Variants in THSD7A observed in about 807,000 individuals in gnomAD.
The protein encoded by THSD7A is thrombospondin type-1 domain-containing protein 7A.
THSD7A carries 96 observed loss-of-function variants against 231.3 expected under a neutral mutation model. The observed-to-expected ratio is 0.41, with a 90% CI of 0.35 to 0.49. THSD7A has a LOEUF of 0.49. THSD7A is among the 20% of genes least tolerant of loss of function. The pLI is 0.05. For missense variants in THSD7A, 2,290 were observed against 2,070.2 expected, an observed-to-expected ratio of 1.11 and a Z score of -2.06; for synonymous variants, 940 against 743.3, an observed-to-expected ratio of 1.26 and a Z score of -4.30.
intron 6 of THSD7A, among the ~76,000 whole-genome samples, chr7:11,532,098 C>G (rs1313449648): frequency 6.6e-6 from 1 of 151,900 alleles, no homozygotes; most frequent in Non-Finnish European, 1.5e-5. Context: ...TTGAGACCAC[C>G]TAGAAAAGAT....
intron 1 of THSD7A, among the ~76,000 whole-genome samples, chr7:11,768,691 T>C (rs1393661842): frequency 6.6e-6 from 1 of 152,148 alleles, no homozygotes; most frequent in Non-Finnish European, 1.5e-5. Flanking sequence ...TGTGTAATAT[T>C]TTATACCTTA....
At chr7:11,557,454 GGCT>G (rs1789894264) in intron 4 of THSD7A, among the ~76,000 whole-genome samples, 1 of 151,812 alleles carries the variant, frequency 6.6e-6, no homozygotes. Flanking sequence ...TCTCAGTGTT[GGCT>G]GCTATTTATT....
At chr7:11,430,481 A>G (rs958387114) in intron 13 of THSD7A, among the ~76,000 whole-genome samples, 1 of 151,988 alleles carries the variant, frequency 6.6e-6, no homozygotes, top group Non-Finnish European at 1.5e-5. Flanking sequence ...TTTTTGTTTT[A>G]GAGATGTCTC....
chr7:11,389,971 C>A (rs936250278), intron 23 of THSD7A, among the ~76,000 whole-genome samples: 9 of 152,194 alleles, frequency 5.9e-5, no homozygotes, highest in Non-Finnish European at 1.2e-4. Context: ...AGGGTTTCTG[C>A]AGAGGGATCC....
chr7:11,686,263 C>A (rs1488616358), intron 1 of THSD7A, among the ~76,000 whole-genome samples: 1 of 151,694 alleles, frequency 6.6e-6, no homozygotes, highest in Non-Finnish European at 1.5e-5. Context: ...GTGATAAGAT[C>A]AATAGAATCC....
intron 1 of THSD7A, among the ~76,000 whole-genome samples, chr7:11,802,994 T>G (rs1414864582): frequency 6.6e-6 from 1 of 152,168 alleles, no homozygotes; most frequent in Non-Finnish European, 1.5e-5. Flanking sequence ...TGATCATACA[T>G]ATATTAAATA....
At chr7:11,454,041 A>T (rs1451185289) in intron 11 of THSD7A, among the ~76,000 whole-genome samples, 1 of 152,018 alleles carries the variant, frequency 6.6e-6, no homozygotes, top group Non-Finnish European at 1.5e-5. Flanking sequence ...GTTCTATTCA[A>T]AGTTTATACA....
At chr7:11,647,954 C>T (rs1430737402) in intron 1 of THSD7A, among the ~76,000 whole-genome samples, 6 of 152,046 alleles carry the variant, frequency 3.9e-5, no homozygotes, top group Non-Finnish European at 8.8e-5. Context: ...TTCTTCCCTA[C>T]CTAGATACTC....
chr7:11,411,248 G>T lies in THSD7A; in HGVS notation c.3757C>A (p.Arg1253=), dbSNP rs755356186. The T allele has an allele frequency of 1.9e-6, 3 of 1,613,676 alleles. No homozygotes were observed. Among genetic ancestry groups the T allele is most frequent in the South Asian group, 1.1e-5 (1 of 91,060 alleles). Residue 1253 remains arginine (R), a synonymous_variant, in exon 19 of 28, where the codon CGA becomes AGA. Coordinates refer to ENST00000423059, the MANE Select transcript of THSD7A (RefSeq NM_015204.3). The surrounding 1 kb of genome is among the most constrained non-coding windows in gnomAD (Gnocchi z 4.1). ...GIKTRMLDCV[R]SDGKSVDLKY... is the part of the protein sequence containing the mutation. Reference sequence around the variant, plus strand: ...AGGTCAACTGACTTGCCATCACTTCGAACACAATCCAACATCCTTGTTTTT... The same window carrying T: ...AGGTCAACTGACTTGCCATCACTTCTAACACAATCCAACATCCTTGTTTTT...
At position 11,597,140 on chromosome 7, in the gene THSD7A, C is replaced by A. The variant is rs1291578616; in HGVS notation, c.1023-3638G>T. Among the ~76,000 whole-genome samples, 4 of 152,292 alleles carry A rather than the reference C, an allele frequency of 2.6e-5. No individual in the cohort carries two copies. In the East Asian group the frequency reaches 7.7e-4, roughly 29 times the overall value. The stretch of plus-strand genomic sequence containing the variant: ...ACTAGACTTATTGATGAGACATTTG[C>A]ATGCTAGAGGATGGGAAATAAATCC... On this transcript the variant is annotated intron_variant, in intron 2 of 27. Coordinates refer to ENST00000423059, the MANE Select transcript of THSD7A (RefSeq NM_015204.3).
intron 1 of THSD7A, among the ~76,000 whole-genome samples, chr7:11,727,019 G>C (rs1208881641): frequency 6.6e-6 from 1 of 152,070 alleles, no homozygotes; most frequent in Admixed American, 6.6e-5. Context: ...GGCAGCAAGA[G>C]TTCCCAGGCT....
chr7:11,577,711 A>G (rs1790977520), intron 4 of THSD7A, among the ~76,000 whole-genome samples: 1 of 151,566 alleles, frequency 6.6e-6, no homozygotes, highest in Non-Finnish European at 1.5e-5. Context: ...CTATCTGGGC[A>G]TTTTAGATCC....
At chr7:11,440,847 G>A (rs1034386505) in intron 13 of THSD7A, among the ~76,000 whole-genome samples, 7 of 152,064 alleles carry the variant, frequency 4.6e-5, no homozygotes, top group Non-Finnish European at 8.8e-5. Context: ...AAATGTAGTT[G>A]ACAAAGCAGT....
chr7:11,625,346 T>C (rs1367169034), intron 2 of THSD7A, among the ~76,000 whole-genome samples: 3 of 152,108 alleles, frequency 2.0e-5, no homozygotes, highest in African/African-American at 7.2e-5. Context: ...TCCAAGATGT[T>C]TACTGTACAA....
chr7:11,754,419 A>C lies in THSD7A; in HGVS notation c.190+77338T>G, dbSNP rs138242847. Among the ~76,000 whole-genome samples, 261 of 152,184 alleles carry C rather than the reference A, an allele frequency of 1.7e-3. 3 individuals carry two copies. The highest frequency in any genetic ancestry group is 5.8e-3 in the African/African-American group (239 of 41,524). ...ATGGGACTTAGTAATTGGTAGATTA[A>C]AGGGAAGGAAGCAGAGAAAATACAT... On this transcript the variant is annotated intron_variant, in intron 1 of 27. Coordinates refer to ENST00000423059, the MANE Select transcript of THSD7A (RefSeq NM_015204.3).
Position 11,816,643 on chromosome 7 carries a change from T to C in THSD7A, c.190+15114A>G, listed in dbSNP as rs186304691. ...GAAAGTAATGCAAGGACTTTTATAA[T>C]AGCTTTTATGAGTGGGTTATTGAGG... is the stretch of plus-strand genomic sequence containing the variant. On this transcript the variant is annotated intron_variant, in intron 1 of 27. Coordinates refer to ENST00000423059, the MANE Select transcript of THSD7A (RefSeq NM_015204.3). Among the ~76,000 whole-genome samples the C allele has an allele frequency of 2.3e-3, 354 of 152,322 alleles. 2 individuals carry two copies. The highest frequency in any genetic ancestry group is 8.9e-3 in the South Asian group (43 of 4,832).
At chr7:11,485,051 C>T (rs6949200) in intron 6 of THSD7A, among the ~76,000 whole-genome samples, 13 of 151,260 alleles carry the variant, frequency 8.6e-5, no homozygotes, top group Middle Eastern at 3.4e-3. Flanking sequence ...CCACCATGCC[C>T]GGCTCATTTT....
Position 11,411,082 on chromosome 7 carries a change from G to T in THSD7A, c.3798+125C>A. The T allele has an allele frequency of 1.5e-6, 1 of 654,480 alleles. No individual in the cohort carries two copies. The highest frequency in any genetic ancestry group is 2.7e-6 in the Non-Finnish European group (1 of 368,708). The allele number at this position is 654,480 out of a possible 1,614,324, so 40.5% of individuals were successfully genotyped here. A position where few individuals can be genotyped will look rare whatever the true frequency, so the allele number is the denominator to read the frequency against. ...GTCTTTTCAAGAACATACTTAGCCT[G>T]TGAACAGTGCAGAAAAACATCTGCT... On this transcript the variant is annotated intron_variant, in intron 19 of 27. Transcript: ENST00000423059. This position sits in a 1 kb window ranked among gnomAD's most constrained non-coding sequence, Gnocchi z 4.1.
intron 13 of THSD7A, among the ~76,000 whole-genome samples, chr7:11,436,332 T>C (rs552901266): frequency 6.6e-6 from 1 of 152,124 alleles, no homozygotes; most frequent in East Asian, 1.9e-4. Context: ...AAATCTAATA[T>C]TGCCATGAAA....
Sources: allele counts gnomAD v4.1 joint callset (sites outside exome capture counted in the v4.1 genomes callset), GRCh38; gene constraint gnomAD v4.1.1; non-coding constraint Gnocchi (gnomAD v3.1); transcripts MANE v1.5; gene names NCBI Gene and HGNC (gene_info 2026-07-23, HGNC 2026-07-21).